The following MYPN variants were observed in gnomAD, a reference collection of about 807,000 sequenced individuals.
MYPN encodes sarcomeric protein myopalladin, 145 kDa (MYOP).
A neutral mutation model predicts 129.4 loss-of-function variants in MYPN; 63 were observed. The ratio of observed to expected loss-of-function variants is 0.49; its 90% CI spans 0.40 to 0.60. The LOEUF is 0.60. Among genes scored for constraint, MYPN ranks in the 20% least tolerant of loss-of-function variants. The pLI is 0.00. For missense variants in MYPN, 1,596 were observed against 1,635.4 expected (o/e 0.98, Z 0.42); for synonymous variants, 629 against 600.9 (o/e 1.05, Z -0.68).
chr10:68,109,462 A>G (rs1284746426), upstream of MYPN: 1 of 453,932 alleles, frequency 2.2e-6, no homozygotes, highest in Non-Finnish European at 4.4e-6. Flanking sequence ...CATGGTTTAT[A>G]CAGCTCAAAA....
At chr10:68,106,255 A>G (rs911709808), upstream of MYPN, 2 of 427,596 alleles carry the variant, frequency 4.7e-6, no homozygotes, top group Non-Finnish European at 9.2e-6. Flanking sequence ...AAATGTTTTT[A>G]GTTTTTAAAA....
intron 12 of MYPN, among the ~76,000 whole-genome samples, chr10:68,185,389 C>A (rs539812721): frequency 3.9e-5 from 6 of 152,012 alleles, no homozygotes; most frequent in South Asian, 2.1e-4. Context: ...TATGATTTAC[C>A]CATAGCAAGA....
At chr10:68,128,687 G>A (rs1005897442) in intron 2 of MYPN, among the ~76,000 whole-genome samples, 10 of 152,132 alleles carry the variant, frequency 6.6e-5, no homozygotes, top group African/African-American at 2.4e-4. Context: ...TGTGATAAAT[G>A]TTATAAAGGA....
chr10:68,111,159 C>T (rs1589519017), intron 1 of MYPN, among the ~76,000 whole-genome samples: 1 of 152,256 alleles, frequency 6.6e-6, no homozygotes, highest in East Asian at 1.9e-4. Context: ...GAGTTTTTGT[C>T]CAAGCTGGTT....
chr10:68,121,385 T>A, intron 1 of MYPN, 53 bp from the exon 2 acceptor site: 1 of 1,527,174 alleles, frequency 6.5e-7, no homozygotes, highest in Non-Finnish European at 8.9e-7. Flanking sequence ...AGACATAGAC[T>A]TGTTATTCCC....
chr10:68,174,140 C>A lies in MYPN; in HGVS notation c.2048C>A (p.Ser683Ter), dbSNP rs1278724548. 1 of 1,613,916 alleles carries A rather than the reference C, an allele frequency of 6.2e-7. No homozygotes were observed. The highest frequency in any genetic ancestry group is 1.3e-5 in the African/African-American group (1 of 74,920). ...EQHQLQNPPP[S>*]SPKEFPFSMT... ...CACCAATTGCAAAACCCACCTCCTT[C>A]ATCTCCTAAGGAGTTTCCTTTCAGC... Residue 683 changes from serine to a stop codon, truncating the protein, a stop_gained, in exon 11 of 20, where the codon TCA becomes TAA. Coordinates refer to ENST00000358913, the MANE Select transcript of MYPN (RefSeq NM_032578.4). LOFTEE classifies it high-confidence loss of function.
chr10:68,119,134 T>C (rs1449865205), intron 1 of MYPN, among the ~76,000 whole-genome samples: 3 of 152,172 alleles, frequency 2.0e-5, no homozygotes, highest in African/African-American at 7.2e-5. Context: ...TATCTTTAAC[T>C]GTTACTACAT....
chr10:68,166,583 G>A lies in MYPN; in HGVS notation c.1890G>A (p.Glu630=), dbSNP rs201960380. 2.2e-5 allele frequency: 36 copies of A among 1,614,134 alleles called. No homozygotes were observed. In the East Asian group the frequency reaches 7.8e-4, roughly 35 times the overall value. ...TRQTRPDSFQ[E]RFNGQATKTP... ...AGACCAGGCCCGATTCTTTCCAGGA[G>A]AGGTTCAACGGACAGGCAACAAAAA... Residue 630 remains glutamate, a synonymous_variant, in exon 10 of 20, where the codon GAG becomes GAA. Transcript: ENST00000358913.
intron 1 of MYPN, among the ~76,000 whole-genome samples, chr10:68,089,861 T>G (rs940977841): frequency 2.0e-5 from 3 of 152,136 alleles, no homozygotes; most frequent in African/African-American, 7.2e-5. Context: ...AATAAATGCT[T>G]TACAGTAATG....
chr10:68,125,910 G>T (rs2042318916), intron 2 of MYPN, among the ~76,000 whole-genome samples: 1 of 152,172 alleles, frequency 6.6e-6, no homozygotes, highest in Non-Finnish European at 1.5e-5. Flanking sequence ...CAATCTAATA[G>T]CTAGGAATCA....
At chr10:68,192,965 A>G (rs2043540118) in intron 13 of MYPN, among the ~76,000 whole-genome samples, 1 of 151,916 alleles carries the variant, frequency 6.6e-6, no homozygotes, top group Non-Finnish European at 1.5e-5. Context: ...TTAAAACACC[A>G]ACTTTTCATC....
intron 2 of MYPN, among the ~76,000 whole-genome samples, chr10:68,134,535 G>A (rs931235672): frequency 1.3e-5 from 2 of 152,168 alleles, no homozygotes; most frequent in African/African-American, 4.8e-5. Flanking sequence ...GGTGGCTCAT[G>A]CCCGTAATCC....
chr10:68,106,837 T>C, upstream of MYPN: 1 of 716,246 alleles, frequency 1.4e-6, no homozygotes, highest in Non-Finnish European at 2.6e-6. Context: ...CTGACTGAAT[T>C]AAGAAAACAG....
chr10:68,152,722 GC>G (rs1010739160), intron 6 of MYPN, among the ~76,000 whole-genome samples: 1 of 151,776 alleles, frequency 6.6e-6, no homozygotes, highest in African/African-American at 2.4e-5. Context: ...TGCAACCTTG[GC>G]CCCCCCGGGT....
At chr10:68,184,918 T>C (rs370349245) in intron 12 of MYPN, among the ~76,000 whole-genome samples, 10 of 152,026 alleles carry the variant, frequency 6.6e-5, no homozygotes, top group Admixed American at 2.0e-4. Flanking sequence ...AAGAGGAGAA[T>C]CTCTGGTGGG....
chr10:68,137,559 T>C (rs973447048), intron 2 of MYPN, among the ~76,000 whole-genome samples: 3 of 152,206 alleles, frequency 2.0e-5, no homozygotes, highest in African/African-American at 7.2e-5. Flanking sequence ...TCAGGAAAAT[T>C]AGTAATGCAG....
At position 68,166,584 on chromosome 10, in the gene MYPN, A is replaced by C; in HGVS notation, c.1891A>C (p.Arg631=). ...RQTRPDSFQE[R]FNGQATKTPE... is the part of the protein sequence containing the mutation. The stretch of plus-strand genomic sequence containing the variant: ...GACCAGGCCCGATTCTTTCCAGGAG[A>C]GGTTCAACGGACAGGCAACAAAAAC... Residue 631 remains arginine (R), a synonymous_variant, in exon 10 of 20, where the codon AGG becomes CGG. Transcript: ENST00000358913. The C allele has an allele frequency of 6.2e-7, 1 of 1,614,084 alleles. No individual in the cohort carries two copies. Among genetic ancestry groups the C allele is most frequent in the Non-Finnish European group, 8.5e-7 (1 of 1,180,002 alleles).
chr10:68,170,000 A>G (rs2043120769), intron 10 of MYPN, among the ~76,000 whole-genome samples: 1 of 152,196 alleles, frequency 6.6e-6, no homozygotes, highest in Non-Finnish European at 1.5e-5. Flanking sequence ...GGCCTCCCAA[A>G]GTGCTGGGAT....
intron 6 of MYPN, among the ~76,000 whole-genome samples, chr10:68,153,395 TG>T (rs1468166403): frequency 1.3e-5 from 2 of 152,226 alleles, no homozygotes; most frequent in African/African-American, 4.8e-5. Flanking sequence ...ATGCTCTGAT[TG>T]GCAGATGCAT....
Sources: gnomAD v4.1 joint callset for allele counts (sites outside exome capture counted in the v4.1 genomes callset) on GRCh38, gnomAD v4.1.1 for gene constraint, MANE v1.5 for transcripts, NCBI Gene and HGNC (gene_info 2026-07-23, HGNC 2026-07-21) for gene names.